ADAMTS3: variants seen among roughly 807,000 people sequenced by gnomAD.
ADAMTS3 encodes the protein A disintegrin and metalloproteinase with thrombospondin motifs 3.
ADAMTS3 carries 73 observed loss-of-function variants against 129.0 expected under a neutral mutation model. That is an observed-to-expected ratio of 0.57 (90% CI 0.47 to 0.69). The LOEUF is 0.69. ADAMTS3 is among the 30% of genes least tolerant of loss of function. The probability of loss-of-function intolerance (pLI) is 0.00; values close to 1 mark genes in which losing one functional copy is unlikely to be tolerated. For missense variants in ADAMTS3, 1,457 were observed against 1,514.5 expected, an observed-to-expected ratio of 0.96 and a Z score of 0.63; for synonymous variants, 477 against 510.8, an observed-to-expected ratio of 0.93 and a Z score of 0.89.
chr4:72,329,633 T>C (rs2109820053), intron 5 of ADAMTS3, among the ~76,000 whole-genome samples: 1 of 152,262 alleles, frequency 6.6e-6, no homozygotes, highest in Non-Finnish European at 1.5e-5. Flanking sequence ...TTTGTCATGA[T>C]GGAAGCCCTG....
intron 5 of ADAMTS3, among the ~76,000 whole-genome samples, chr4:72,328,462 T>A (rs1041143203): frequency 6.6e-6 from 1 of 152,136 alleles, no homozygotes; most frequent in Non-Finnish European, 1.5e-5. Flanking sequence ...TTTGTTCAGA[T>A]GGGTGGATCA....
intron 3 of ADAMTS3, among the ~76,000 whole-genome samples, chr4:72,428,005 C>T (rs72852064): frequency 1.3e-5 from 2 of 151,060 alleles, no homozygotes; most frequent in Non-Finnish European, 2.9e-5. Context: ...AGTTTAAGGA[C>T]CTTTGTCATT....
At chr4:72,449,198 T>C (rs1415844661) in intron 3 of ADAMTS3, among the ~76,000 whole-genome samples, 1 of 151,628 alleles carries the variant, frequency 6.6e-6, no homozygotes, top group South Asian at 2.1e-4. Flanking sequence ...CCGAGTCCCA[T>C]GGTTGTAAAG....
intron 3 of ADAMTS3, among the ~76,000 whole-genome samples, chr4:72,502,238 T>C (rs895705971): frequency 4.6e-5 from 7 of 152,180 alleles, no homozygotes; most frequent in African/African-American, 1.7e-4. Context: ...TGAATCCATC[T>C]GGTCTGGGGC....
At chr4:72,391,487 G>C (rs530842030) in intron 4 of ADAMTS3, among the ~76,000 whole-genome samples, 1 of 152,310 alleles carries the variant, frequency 6.6e-6, no homozygotes, top group South Asian at 2.1e-4. Context: ...AAATTGGTAA[G>C]TGAAAGCCCT....
chr4:72,447,128 G>A (rs1324844658), intron 3 of ADAMTS3, among the ~76,000 whole-genome samples: 3 of 151,604 alleles, frequency 2.0e-5, no homozygotes, highest in Admixed American at 6.6e-5. Flanking sequence ...CTGTTCTTAC[G>A]GTTGCTCTAA....
rs1553923921 is a variant in ADAMTS3 at position 72,569,192 on chromosome 4, G to C, written c.-430C>G. The C allele has an allele frequency of 6.0e-6, 1 of 167,260 alleles. No homozygotes were observed. The highest frequency in any genetic ancestry group is 2.4e-5 in the African/African-American group (1 of 41,984). 10.4% of individuals were successfully genotyped at this position (167,260 alleles called of 1,614,324 possible). A position where few individuals can be genotyped will look rare whatever the true frequency, so the allele number is the denominator to read the frequency against. ...ACAGCAGGGGGAAGTATTAGCGAGA[G>C]AGACGAGCGAGCGGGAGCGGGAGAA... is the stretch of plus-strand genomic sequence containing the variant. On this transcript the variant is annotated 5_prime_UTR_variant, in exon 1 of 22. Coordinates refer to ENST00000286657, the MANE Select transcript of ADAMTS3 (RefSeq NM_014243.3).
chr4:72,413,388 A>G (rs1722227142), intron 4 of ADAMTS3, among the ~76,000 whole-genome samples: 1 of 152,064 alleles, frequency 6.6e-6, no homozygotes, highest in South Asian at 2.1e-4. Flanking sequence ...ATATGGAACA[A>G]CCAAGAAAAA....
At chr4:72,369,831 T>A (rs534993993) in intron 4 of ADAMTS3, among the ~76,000 whole-genome samples, 1 of 151,878 alleles carries the variant, frequency 6.6e-6, no homozygotes, top group East Asian at 1.9e-4. Context: ...CAAGAAATTG[T>A]ATAGCGTTTA....
chr4:72,301,846 G>A (rs1560464080), intron 17 of ADAMTS3, among the ~76,000 whole-genome samples: 1 of 152,034 alleles, frequency 6.6e-6, no homozygotes, highest in Non-Finnish European at 1.5e-5. Context: ...AACTTTCAGA[G>A]CCGGCCACTA....
At chr4:72,461,152 T>C (rs1024647133) in intron 3 of ADAMTS3, among the ~76,000 whole-genome samples, 1 of 151,610 alleles carries the variant, frequency 6.6e-6, no homozygotes, top group African/African-American at 2.4e-5. Flanking sequence ...CTCGATGAAC[T>C]ATGAAAAACC....
At chr4:72,500,044 G>C (rs1719971375) in intron 3 of ADAMTS3, among the ~76,000 whole-genome samples, 1 of 152,112 alleles carries the variant, frequency 6.6e-6, no homozygotes, top group African/African-American at 2.4e-5. Context: ...CACTTAGATT[G>C]ATTCCATGTC....
rs763257830 is a variant in ADAMTS3 at position 72,315,905 on chromosome 4, T to A, written c.1552A>T (p.Thr518Ser). Residue 518 changes from threonine (T) to serine (S), a missense_variant, in exon 11 of 22, where the codon ACT becomes TCT. Transcript: ENST00000286657. ...SHPDNPYFCK[T>S]KKGPPLDGTE... Reference sequence around the variant, plus strand: ...CCATCAAGTGGAGGTCCCTTTTTAGTCTTACAAAAGTAGGGATTATCAGGA... The same window carrying A: ...CCATCAAGTGGAGGTCCCTTTTTAGACTTACAAAAGTAGGGATTATCAGGA... The A allele has an allele frequency of 6.2e-7, 1 of 1,613,650 alleles. No individual in the cohort carries two copies. Among genetic ancestry groups the A allele is most frequent in the South Asian group, 1.1e-5 (1 of 91,034 alleles).
At chr4:72,410,311 T>C (rs1331241324) in intron 4 of ADAMTS3, among the ~76,000 whole-genome samples, 1 of 152,144 alleles carries the variant, frequency 6.6e-6, no homozygotes, top group Non-Finnish European at 1.5e-5. Flanking sequence ...GACTTCTACA[T>C]GTTTCCCACC....
chr4:72,447,031 G>T (rs1371602464), intron 3 of ADAMTS3, among the ~76,000 whole-genome samples: 2 of 151,562 alleles, frequency 1.3e-5, no homozygotes, highest in African/African-American at 2.4e-5. Context: ...ATACAATAAA[G>T]ATAATTCAGA....
At chr4:72,339,336 G>C (rs990187116) in intron 5 of ADAMTS3, among the ~76,000 whole-genome samples, 158 bp downstream of exon 5, 3 of 152,076 alleles carry the variant, frequency 2.0e-5, no homozygotes, top group African/African-American at 4.8e-5. Flanking sequence ...TAGCATTCCT[G>C]TACTTTAAAT....
chr4:72,538,888 G>A (rs187876989), intron 3 of ADAMTS3, among the ~76,000 whole-genome samples: 2 of 152,218 alleles, frequency 1.3e-5, no homozygotes, highest in East Asian at 3.9e-4. Flanking sequence ...ATTTCAGAAA[G>A]GGGTGCCAAG....
chr4:72,506,417 A>G (rs1342624910), intron 3 of ADAMTS3, among the ~76,000 whole-genome samples: 3 of 152,180 alleles, frequency 2.0e-5, no homozygotes, highest in Non-Finnish European at 4.4e-5. Context: ...TCCAGTGCCA[A>G]CTGTTGAGGC....
intron 4 of ADAMTS3, among the ~76,000 whole-genome samples, chr4:72,354,181 G>C (rs1410128045): frequency 5.3e-5 from 8 of 151,926 alleles, no homozygotes; most frequent in Admixed American, 5.2e-4. Context: ...TGTTTGTTTA[G>C]ATAAAATATT....
Sources: gnomAD v4.1 joint callset for allele counts (sites outside exome capture counted in the v4.1 genomes callset) on GRCh38, gnomAD v4.1.1 for gene constraint, MANE v1.5 for transcripts, NCBI Gene and HGNC (gene_info 2026-07-23, HGNC 2026-07-21) for gene names.